TFR2: variants seen among roughly 807,000 people sequenced by gnomAD.
TFR2 encodes transferrin receptor 2, also known as transferrin receptor protein 2.
In TFR2, 64 loss-of-function variants were observed where a neutral mutation model predicts 91.9. The observed-to-expected ratio is 0.70, with a 90% CI of 0.57 to 0.86. TFR2 has a LOEUF of 0.86. Among genes scored for constraint, TFR2 ranks in the 40% least tolerant of loss-of-function variants. The probability of loss-of-function intolerance (pLI) is 0.00; values close to 1 mark genes in which losing one functional copy is unlikely to be tolerated. For missense variants in TFR2, 950 were observed against 1,080.5 expected (o/e 0.88, Z 1.69); for synonymous variants, 454 against 459.6 (o/e 0.99, Z 0.15).
rs1288268428 is a variant in TFR2 at position 100,626,898 on chromosome 7, G to T, written c.2001C>A (p.Arg667=). Residue 667 remains arginine, a synonymous_variant, in exon 17 of 18, where the codon CGC becomes CGA. Coordinates refer to ENST00000223051, the MANE Select transcript of TFR2 (RefSeq NM_003227.4). ...LNEFSGDLKA[R]GLTLQWVYSA... ...AGTACACCCACTGCAGGGTCAGCCC[G>T]CGGGCCTGGGGTGGGGAGGCGCGGG... is the stretch of plus-strand genomic sequence containing the variant. 2 of 1,539,910 alleles carry T rather than the reference G, an allele frequency of 1.3e-6. No homozygotes were observed. The highest frequency in any genetic ancestry group is 1.7e-6 in the Non-Finnish European group (2 of 1,145,810).
intron 3 of TFR2, among the ~76,000 whole-genome samples, chr7:100,636,054 G>T (rs1299629860): frequency 6.6e-6 from 1 of 151,942 alleles, no homozygotes; most frequent in Non-Finnish European, 1.5e-5. Context: ...CACCTGCTTA[G>T]CTTAGTACCT....
intron 3 of TFR2, 141 bp from the exon 4 acceptor site, chr7:100,633,697 G>GT: frequency 2.3e-6 from 2 of 859,574 alleles, no homozygotes; most frequent in South Asian, 2.8e-5. Flanking sequence ...CCCCGCGGAC[G>GT]CTTTTTTTTT....
chr7:100,629,187 C>T (rs992776696), intron 10 of TFR2, 66 bp downstream of exon 10: 67 of 1,601,714 alleles, frequency 4.2e-5, no homozygotes, highest in Middle Eastern at 1.9e-4. Flanking sequence ...CCTCTCTGCC[C>T]TATCCTCCTC....
intron 6 of TFR2, among the ~76,000 whole-genome samples, 196 bp from the exon 7 acceptor site, chr7:100,632,394 A>G (rs1305621104): frequency 6.6e-6 from 1 of 151,768 alleles, no homozygotes; most frequent in Non-Finnish European, 1.5e-5. Flanking sequence ...GCTCCAGGGT[A>G]CCCCATGTTT....
intron 3 of TFR2, among the ~76,000 whole-genome samples, chr7:100,633,955 G>A (rs1462678418): frequency 6.6e-6 from 1 of 151,784 alleles, no homozygotes; most frequent in Non-Finnish European, 1.5e-5. Context: ...TGATCTGCCC[G>A]CCTCGGCCTC....
At chr7:100,621,256 T>C in intron 17 of TFR2, 130 bp from the exon 18 acceptor site, 1 of 1,249,974 alleles carries the variant, frequency 8.0e-7, no homozygotes, top group Non-Finnish European at 1.1e-6. Context: ...TTGTTTTTTG[T>C]TTGTTCGTTT....
intron 6 of TFR2, chr7:100,632,625 C>T (rs1346520120): frequency 1.5e-5 from 5 of 334,582 alleles, no homozygotes; most frequent in Non-Finnish European, 2.8e-5. Flanking sequence ...TCATAGCTCA[C>T]TGCAGCCTGG....
intron 3 of TFR2, 168 bp downstream of exon 3, chr7:100,640,518 C>T (rs1277093656): frequency 1.4e-6 from 1 of 734,720 alleles, no homozygotes; most frequent in Admixed American, 2.9e-5. Flanking sequence ...GCTCCGAATG[C>T]CTGCCATCCT....
At position 100,620,546 on chromosome 7, in the gene TFR2, C is replaced by T; in HGVS notation, c.*311G>A. On this transcript the variant is annotated 3_prime_UTR_variant, in exon 18 of 18. Coordinates refer to ENST00000223051, the MANE Select transcript of TFR2 (RefSeq NM_003227.4). ...AACAGAGCTGGCCAGGTCCCAGGGC[C>T]TAGCAAACCTCCCAGAGTGGTCTCT... 3.1e-6 allele frequency: 1 copy of T among 327,522 alleles called. No homozygotes were observed. 20.3% of individuals were successfully genotyped at this position (327,522 alleles called of 1,614,324 possible).
At chr7:100,634,998 G>A (rs1023149755) in intron 3 of TFR2, among the ~76,000 whole-genome samples, 8 of 150,992 alleles carry the variant, frequency 5.3e-5, no homozygotes, top group African/African-American at 1.5e-4. Context: ...GTGTGTAGTC[G>A]TGCAATCTCA....
At chr7:100,623,311 A>C (rs1446672154) in intron 17 of TFR2, among the ~76,000 whole-genome samples, 3 of 152,244 alleles carry the variant, frequency 2.0e-5, no homozygotes, top group African/African-American at 7.2e-5. Context: ...CTATTTTATT[A>C]TTCTTCTATT....
chr7:100,632,052 G>A (rs762044153), intron 7 of TFR2, 30 bp downstream of exon 7: 2 of 1,613,864 alleles, frequency 1.2e-6, no homozygotes, highest in East Asian at 4.5e-5. Context: ...CGGGACCTGG[G>A]AACAGCACGA....
In TFR2 at chr7:100,627,665, G is replaced by A. The variant is rs201936620; in HGVS notation, c.1683-4C>T. ...GTCCATGGGTAGGGGCCGGATCCTG[G>A]GGGCAGGTGGGTTGGAGCGATCTGT... On this transcript the variant is annotated splice_polypyrimidine_tract_variant and splice_region_variant and intron_variant, in intron 14 of 17. Coordinates refer to ENST00000223051, the MANE Select transcript of TFR2 (RefSeq NM_003227.4). 8.1e-6 allele frequency: 13 copies of A among 1,614,130 alleles called. No individual in the cohort carries two copies. The East Asian group carries it at 2.7e-4, about 33-fold the overall frequency.
At chr7:100,624,141 T>A (rs1803191382) in intron 17 of TFR2, among the ~76,000 whole-genome samples, 1 of 152,146 alleles carries the variant, frequency 6.6e-6, no homozygotes, top group Non-Finnish European at 1.5e-5. Flanking sequence ...CTAATTTCCT[T>A]GATGCTAAGA....
Position 100,627,557 on chromosome 7 carries a change from G to A in TFR2, c.1767+20C>T. Reference sequence around the variant, plus strand: ...CTGAAGGACTAGCGCTGTGTCTGGGGCAGGGGGAGGACGTCTCACCTCCAT... The same window carrying A: ...CTGAAGGACTAGCGCTGTGTCTGGGACAGGGGGAGGACGTCTCACCTCCAT... On this transcript the variant is annotated intron_variant, in intron 15 of 17. Coordinates refer to ENST00000223051, the MANE Select transcript of TFR2 (RefSeq NM_003227.4). The A allele has an allele frequency of 6.2e-7, 1 of 1,614,096 alleles. No homozygotes were observed. The highest frequency in any genetic ancestry group is 8.5e-7 in the Non-Finnish European group (1 of 1,179,940).
At chr7:100,639,018 G>T (rs928269706) in intron 3 of TFR2, among the ~76,000 whole-genome samples, 2 of 152,082 alleles carry the variant, frequency 1.3e-5, no homozygotes, top group African/African-American at 4.8e-5. Flanking sequence ...CAAGGTTAGC[G>T]TTGAGCTCAG....
rs759974547 is a variant in TFR2, at chr7:100,629,221, AG to A, written c.1390+31del. On this transcript the variant is annotated intron_variant, in intron 10 of 17. Coordinates refer to ENST00000223051, the MANE Select transcript of TFR2 (RefSeq NM_003227.4). ...TCGGGCCACAGGCCCACCGCTGCCT[AG>A]CCCAGGCCCAGGCCCTGGCCCTGAC... is the stretch of plus-strand genomic sequence containing the variant. The A allele has an allele frequency of 8.1e-6, 13 of 1,612,306 alleles. No individual in the cohort carries two copies. In the African/African-American group the frequency reaches 1.6e-4, roughly 20 times the overall value.
chr7:100,627,211 C>T, intron 16 of TFR2, 53 bp downstream of exon 16: 1 of 1,528,766 alleles, frequency 6.5e-7, no homozygotes, highest in South Asian at 1.2e-5. Context: ...ACCCCCTGGC[C>T]TGGGCAGTGC....
intron 16 of TFR2, 70 bp from the exon 17 acceptor site, chr7:100,626,973 A>T: frequency 6.7e-7 from 1 of 1,493,044 alleles, no homozygotes; most frequent in Non-Finnish European, 8.9e-7. Flanking sequence ...GGGGACAAGG[A>T]CCCCCGCCTA....
Sources: gnomAD v4.1 joint callset for allele counts (sites outside exome capture counted in the v4.1 genomes callset) on GRCh38, gnomAD v4.1.1 for gene constraint, MANE v1.5 for transcripts, NCBI Gene and HGNC (gene_info 2026-07-23, HGNC 2026-07-21) for gene names.